MEGF6: variants seen among roughly 807,000 people sequenced by gnomAD.
MEGF6 encodes the protein multiple epidermal growth factor-like domains protein 6.
A neutral mutation model predicts 207.1 loss-of-function variants in MEGF6; 184 were observed. The observed-to-expected ratio is 0.89, with a 90% CI of 0.79 to 1.00. The LOEUF (loss-of-function observed/expected upper bound fraction) is 1.00. Among genes scored for constraint, MEGF6 ranks in the 50% least tolerant of loss-of-function variants. The probability of loss-of-function intolerance (pLI) is 0.00; values close to 1 mark genes in which losing one functional copy is unlikely to be tolerated. For synonymous variants in MEGF6, 1,038 were observed against 910.0 expected, an observed-to-expected ratio of 1.14 and a Z score of -2.53; for missense variants, 2,282 against 2,202.9, an observed-to-expected ratio of 1.04 and a Z score of -0.72.
At chr1:3,582,852 T>C (rs909044775) in intron 3 of MEGF6, among the ~76,000 whole-genome samples, 10 of 152,148 alleles carry the variant, frequency 6.6e-5, no homozygotes, top group Non-Finnish European at 5.9e-5. Flanking sequence ...TTGCCCCCTC[T>C]AGTGCCTCTC....
intron 4 of MEGF6, among the ~76,000 whole-genome samples, chr1:3,542,086 CA>C (rs1038849764): frequency 6.6e-6 from 1 of 152,202 alleles, no homozygotes; most frequent in African/African-American, 2.4e-5. Flanking sequence ...CCGCCTCCCC[CA>C]ACCCCCGGCT....
In MEGF6 at chr1:3,505,573, G is replaced by A. The variant is rs115556978; in HGVS notation, c.1919-17C>T. The A allele has an allele frequency of 9.2e-3, 14,318 of 1,547,948 alleles. 99 individuals carry two copies. The highest frequency in any genetic ancestry group is 0.017 in the Middle Eastern group (78 of 4,642). On this transcript the variant is annotated splice_polypyrimidine_tract_variant and intron_variant, in intron 15 of 36. Transcript: ENST00000356575. ...GCGGGCAGGCTGCACCCACAGAACC[G>A]TTGAGGGGGGCTCCCGTCTGAAGCC... is the stretch of plus-strand genomic sequence containing the variant.
At chr1:3,539,373 C>T (rs1187239315) in intron 4 of MEGF6, among the ~76,000 whole-genome samples, 11 of 151,924 alleles carry the variant, frequency 7.2e-5, no homozygotes, top group South Asian at 2.1e-4. Context: ...AGAGGGAACA[C>T]GACGGGAGAG....
chr1:3,533,111 T>C (rs1642226726), intron 4 of MEGF6, among the ~76,000 whole-genome samples: 1 of 152,166 alleles, frequency 6.6e-6, no homozygotes, highest in Admixed American at 6.5e-5. Flanking sequence ...TGCCCAGTGC[T>C]AAGATGTGGC....
chr1:3,574,081 C>T (rs1570168166), intron 4 of MEGF6, among the ~76,000 whole-genome samples: 1 of 152,006 alleles, frequency 6.6e-6, no homozygotes, highest in African/African-American at 2.4e-5. Context: ...TGAGGGCCTC[C>T]TGCTTGAGGC....
chr1:3,543,545 C>T (rs891551966), intron 4 of MEGF6, among the ~76,000 whole-genome samples: 15 of 152,216 alleles, frequency 9.9e-5, no homozygotes, highest in African/African-American at 3.1e-4. Context: ...ATCCCAAACA[C>T]GCAGAGCTGG....
In MEGF6 at chr1:3,492,098, G is replaced by C. The variant is rs558060148; in HGVS notation, c.4516+541C>G. ...TGCGTGCGTGGACTGGCACGCACAG[G>C]TGCCTGCTGCCCGTGCAGGACTGCG... On this transcript the variant is annotated intron_variant, in intron 35 of 36. Coordinates refer to ENST00000356575, the MANE Select transcript of MEGF6 (RefSeq NM_001409.4). Among the ~76,000 whole-genome samples, 102 of 152,238 alleles carry C rather than the reference G, an allele frequency of 6.7e-4. 1 individual carries two copies. Among genetic ancestry groups the C allele is most frequent in the Non-Finnish European group, 1.3e-3 (88 of 68,008 alleles).
intron 8 of MEGF6, 146 bp from the exon 9 acceptor site, chr1:3,511,833 T>G: frequency 7.0e-7 from 1 of 1,432,604 alleles, no homozygotes; most frequent in South Asian, 1.3e-5. Context: ...CAGGCCTTGT[T>G]GGGTCTGGGA....
intron 4 of MEGF6, among the ~76,000 whole-genome samples, chr1:3,562,290 C>A (rs545036271): frequency 6.6e-6 from 1 of 152,194 alleles, no homozygotes; most frequent in Non-Finnish European, 1.5e-5. Flanking sequence ...CTCTTCATCC[C>A]GGTCCCTCGC....
intron 21 of MEGF6, 90 bp downstream of exon 21, chr1:3,500,543 C>A (rs935736012): frequency 6.9e-5 from 100 of 1,450,222 alleles, no homozygotes; most frequent in Admixed American, 1.7e-4. Flanking sequence ...GGAGGGAGTA[C>A]GGTCAAAGGC....
rs76446508 is a variant in MEGF6, at chr1:3,558,751, G to A, written c.481+21074C>T. Reference sequence around the variant, plus strand: ...CAGCACCCTTCTGCCTTGCTGAGAAGTGAAGTTGCCTTGCTGAGAAATTTT... The same window carrying A: ...CAGCACCCTTCTGCCTTGCTGAGAAATGAAGTTGCCTTGCTGAGAAATTTT... On this transcript the variant is annotated intron_variant, in intron 4 of 36. Transcript: ENST00000356575. Among the ~76,000 whole-genome samples the A allele has an allele frequency of 9.1e-3, 1,390 of 152,358 alleles. 15 individuals are homozygous for A. Among genetic ancestry groups the A allele is most frequent in the Middle Eastern group, 0.017 (5 of 294 alleles).
At chr1:3,495,836 C>T in intron 30 of MEGF6, 54 bp downstream of exon 30, 1 of 1,576,022 alleles carries the variant, frequency 6.3e-7, no homozygotes, top group East Asian at 2.3e-5. Flanking sequence ...ACGGCTAATC[C>T]AGTGACATCT....
At chr1:3,613,121 C>G (rs1366621276), upstream of MEGF6, among the ~76,000 whole-genome samples, 1 of 152,212 alleles carries the variant, frequency 6.6e-6, no homozygotes, top group Non-Finnish European at 1.5e-5. Flanking sequence ...AAAACCCCAG[C>G]TACCAGTTGG....
At chr1:3,599,021 C>G (rs776912126) in intron 2 of MEGF6, among the ~76,000 whole-genome samples, 1 of 152,206 alleles carries the variant, frequency 6.6e-6, no homozygotes, top group African/African-American at 2.4e-5. Context: ...TGGGCCGGGC[C>G]GGGCTGGAGC....
intron 4 of MEGF6, chr1:3,531,198 C>A (rs560399176): frequency 7.9e-6 from 12 of 1,510,848 alleles, no homozygotes; most frequent in Non-Finnish European, 7.9e-6. Context: ...CCCCCAGGAG[C>A]CCAAGGCACC....
rs773166700 is a variant in MEGF6 at position 3,498,466 on chromosome 1, C to G, written c.3257G>C (p.Arg1086Pro). The G allele has an allele frequency of 1.3e-6, 2 of 1,583,140 alleles. No homozygotes were observed. The highest frequency in any genetic ancestry group is 2.3e-5 in the South Asian group (2 of 87,960). The change falls in exon 26 of 37, where the codon CGG becomes CCG. Residue 1086 changes from arginine to proline, a missense_variant. Coordinates refer to ENST00000356575, the MANE Select transcript of MEGF6 (RefSeq NM_001409.4). ...CCCGTTGAGGCAACCGCCGCTGTGC[C>G]GGCAGCCAGCTCTGACGTCCCGGGG... ...CLPRDVRAGC[R>P]HSGGCLNGGL...
intron 5 of MEGF6, among the ~76,000 whole-genome samples, chr1:3,517,428 CCA>C (rs1398852947): frequency 6.6e-6 from 1 of 152,234 alleles, no homozygotes; most frequent in African/African-American, 2.4e-5. Flanking sequence ...CCACTCCAGT[CCA>C]CACAGTTCTA....
chr1:3,548,751 C>T (rs1482077044), intron 4 of MEGF6, among the ~76,000 whole-genome samples: 1 of 152,130 alleles, frequency 6.6e-6, no homozygotes, highest in Non-Finnish European at 1.5e-5. Context: ...CTTCCCAGGC[C>T]TGGAACACAG....
chr1:3,544,101 G>T (rs190260672), intron 4 of MEGF6, among the ~76,000 whole-genome samples: 1 of 152,168 alleles, frequency 6.6e-6, no homozygotes, highest in African/African-American at 2.4e-5. Flanking sequence ...GTCTTCCGGG[G>T]CCTGACACAC....
Sources: allele counts gnomAD v4.1 joint callset (sites outside exome capture counted in the v4.1 genomes callset), GRCh38; gene constraint gnomAD v4.1.1; transcripts MANE v1.5; gene names NCBI Gene and HGNC (gene_info 2026-07-23, HGNC 2026-07-21).